ASAP2: variants seen among roughly 807,000 people sequenced by gnomAD.
ASAP2 encodes ArfGAP with SH3 domain, ankyrin repeat and PH domain 2, also known as arf-GAP with SH3 domain, ANK repeat and PH domain-containing protein 2.
ASAP2 carries 45 observed loss-of-function variants against 131.4 expected under a neutral mutation model. The ratio of observed to expected loss-of-function variants is 0.34; its 90% CI spans 0.27 to 0.44. The LOEUF is 0.44. ASAP2 is among the 20% of genes least tolerant of loss of function. The pLI, the probability that ASAP2 is intolerant of heterozygous loss-of-function variation, is 1.00. For synonymous variants in ASAP2, 510 were observed against 503.0 expected (o/e 1.01, Z -0.19); for missense variants, 1,011 against 1,297.0 (o/e 0.78, Z 3.39).
chr2:9,366,508 A>G (rs1381886417), intron 15 of ASAP2, among the ~76,000 whole-genome samples: 1 of 152,212 alleles, frequency 6.6e-6, no homozygotes, highest in African/African-American at 2.4e-5. Context: ...ATTGGGGTTC[A>G]GTCCTGGATC....
At position 9,404,869 on chromosome 2, in the gene ASAP2, T is replaced by C. The variant is rs1480241718; in HGVS notation, c.*1542T>C. ...GTTCCGGGTAAAAATGTGTTATATC[T>C]GTAGTTTTTTGTTTTTGTTTTTTTT... On this transcript the variant is annotated 3_prime_UTR_variant, in exon 28 of 28. Transcript: ENST00000281419. The C allele has an allele frequency of 2.0e-5, 3 of 152,598 alleles. No individual in the cohort carries two copies. Among genetic ancestry groups the C allele is most frequent in the Admixed American group, 2.0e-4 (3 of 15,278 alleles). 9.5% of individuals were successfully genotyped at this position (152,598 alleles called of 1,614,324 possible).
In ASAP2 at chr2:9,254,527, A is replaced by ATTTTTTTTTTTTTTTTTTTTTTTTT. The variant is rs546862626; in HGVS notation, c.127-24788_127-24764dup. 7.1e-5 allele frequency among the ~76,000 whole-genome samples: 2 copies of ATTTTTTTTTTTTTTTTTTTTTTTTT among 28,028 alleles called. 1 individual carries two copies. The allele number at this position is 28,028 out of a possible 152,430, so 18.4% of individuals were successfully genotyped here. On this transcript the variant is annotated intron_variant, in intron 1 of 27. Coordinates refer to ENST00000281419, the MANE Select transcript of ASAP2 (RefSeq NM_003887.3). ...ACCACTACCCCCAGCTAATTTTTGG[A>ATTTTTTTTTTTTTTTTTTTTTTTTT]TTTTTTTTTTTTTTTTTTTTTTTTT...
intron 1 of ASAP2, among the ~76,000 whole-genome samples, chr2:9,255,664 G>A (rs1045579860): frequency 6.6e-6 from 1 of 152,256 alleles, no homozygotes; most frequent in African/African-American, 2.4e-5. Context: ...CTGAGTTGAT[G>A]AAGGGAGTCG....
At chr2:9,294,024 A>T (rs1422713743) in intron 2 of ASAP2, among the ~76,000 whole-genome samples, 1 of 145,898 alleles carries the variant, frequency 6.9e-6, no homozygotes, top group African/African-American at 2.6e-5. Context: ...TTGAGAATAG[A>T]GTCTTGCTCT....
chr2:9,365,428 G>A (rs988985900), intron 15 of ASAP2, among the ~76,000 whole-genome samples: 12 of 152,230 alleles, frequency 7.9e-5, no homozygotes, highest in African/African-American at 2.9e-4. Context: ...AGAGAAGAAT[G>A]TCACAGCAAT....
intron 1 of ASAP2, among the ~76,000 whole-genome samples, chr2:9,216,898 C>T (rs921535447): frequency 1.3e-5 from 2 of 152,110 alleles, no homozygotes; most frequent in African/African-American, 4.8e-5. Context: ...CGTGCCCAGC[C>T]TCCCCCTTGT....
intron 5 of ASAP2, among the ~76,000 whole-genome samples, chr2:9,321,591 C>T (rs1317406041): frequency 6.6e-6 from 1 of 152,048 alleles, no homozygotes. Context: ...GTAATTGAGC[C>T]AGGCCAGGAA....
chr2:9,359,976 T>TA (rs1337993196), intron 15 of ASAP2, among the ~76,000 whole-genome samples: 1 of 152,206 alleles, frequency 6.6e-6, no homozygotes, highest in Non-Finnish European at 1.5e-5. Flanking sequence ...CCTGGTTACA[T>TA]ACAGCAATTA....
intron 12 of ASAP2, among the ~76,000 whole-genome samples, chr2:9,351,383 T>C (rs1281120547): frequency 2.6e-5 from 4 of 152,244 alleles, no homozygotes; most frequent in Admixed American, 2.6e-4. Context: ...TTCTCTGTGC[T>C]TTTCCTTTTT....
At chr2:9,215,091 C>T (rs967268548) in intron 1 of ASAP2, among the ~76,000 whole-genome samples, 3 of 152,150 alleles carry the variant, frequency 2.0e-5, no homozygotes, top group African/African-American at 7.2e-5. Flanking sequence ...GGCACCTAGG[C>T]TATATATTAA....
At chr2:9,288,319 A>G (rs1667595622) in intron 2 of ASAP2, among the ~76,000 whole-genome samples, 1 of 152,172 alleles carries the variant, frequency 6.6e-6, no homozygotes, top group South Asian at 2.1e-4. Flanking sequence ...TTCTACACGT[A>G]TGTCATCTCC....
intron 5 of ASAP2, 140 bp from the exon 6 acceptor site, chr2:9,322,981 G>A (rs1670246125): frequency 1.0e-6 from 1 of 979,316 alleles, no homozygotes; most frequent in Non-Finnish European, 1.5e-6. Flanking sequence ...TTTTCCTTTT[G>A]AGGGAGTTGA....
intron 1 of ASAP2, among the ~76,000 whole-genome samples, chr2:9,254,236 A>AATATATATATATATATAT (rs34570938): frequency 1.3e-4 from 6 of 47,108 alleles, no homozygotes; most frequent in African/African-American, 6.9e-4. Flanking sequence ...AAAAAAAAAA[A>AATATATATATATATATAT]ATATATATAT....
At chr2:9,254,254 T>TATATATAGATATATACACACAC (rs1553297027) in intron 1 of ASAP2, among the ~76,000 whole-genome samples, 1 of 65,766 alleles carries the variant, frequency 1.5e-5, no homozygotes, top group Non-Finnish European at 2.8e-5. Flanking sequence ...TATATATATA[T>TATATATAGATATATACACACAC]ACACGTGTGT....
intron 16 of ASAP2, among the ~76,000 whole-genome samples, chr2:9,374,219 G>A (rs1189709832): frequency 6.6e-6 from 1 of 152,220 alleles, no homozygotes; most frequent in Non-Finnish European, 1.5e-5. Flanking sequence ...TTTCATTTCA[G>A]TTCATCTGAT....
At chr2:9,331,279 T>A (rs191868857) in intron 7 of ASAP2, among the ~76,000 whole-genome samples, 1 of 152,372 alleles carries the variant, frequency 6.6e-6, no homozygotes, top group African/African-American at 2.4e-5. Flanking sequence ...TTGCTTTTTC[T>A]TCTCGCTTTA....
At chr2:9,335,407 G>T (rs1342817549) in intron 9 of ASAP2, among the ~76,000 whole-genome samples, 1 of 152,190 alleles carries the variant, frequency 6.6e-6, no homozygotes, top group Non-Finnish European at 1.5e-5. Flanking sequence ...CTTAATGGCG[G>T]TGTATAAACC....
chr2:9,297,549 G>C, intron 3 of ASAP2, 104 bp downstream of exon 3: 1 of 1,343,698 alleles, frequency 7.4e-7, no homozygotes, highest in Non-Finnish European at 1.0e-6. Flanking sequence ...GCATTTCATA[G>C]TTCCTTGGGT....
rs1399407917 is a variant in ASAP2 at position 9,217,674 on chromosome 2, G to C, written c.126+10444G>C. Among the ~76,000 whole-genome samples, 1 of 151,630 alleles carries C rather than the reference G, an allele frequency of 6.6e-6. No individual in the cohort carries two copies. Among genetic ancestry groups the C allele is most frequent in the Non-Finnish European group, 1.5e-5 (1 of 67,942 alleles). ...CTGCCACCCAGGCTGGAGTGCGGTGGCACAATCTCGGCTCACTGCAAGCTC... is the reference window on the plus strand; with the variant it reads ...CTGCCACCCAGGCTGGAGTGCGGTGCCACAATCTCGGCTCACTGCAAGCTC... On this transcript the variant is annotated intron_variant, in intron 1 of 27. Coordinates refer to ENST00000281419, the MANE Select transcript of ASAP2 (RefSeq NM_003887.3). This position sits in a 1 kb window ranked among gnomAD's most constrained non-coding sequence, Gnocchi z 4.0.
Sources: allele counts gnomAD v4.1 joint callset (sites outside exome capture counted in the v4.1 genomes callset), GRCh38; gene constraint gnomAD v4.1.1; non-coding constraint Gnocchi (gnomAD v3.1); transcripts MANE v1.5; gene names NCBI Gene and HGNC (gene_info 2026-07-23, HGNC 2026-07-21).